The following TSPAN9 variants were observed in gnomAD, a reference collection of about 807,000 sequenced individuals.
TSPAN9 encodes tetraspanin-9.
A neutral mutation model predicts 31.0 loss-of-function variants in TSPAN9; 16 were observed. The observed-to-expected ratio is 0.52, with a 90% CI of 0.35 to 0.78. TSPAN9 has a LOEUF of 0.78. Among genes scored for constraint, TSPAN9 ranks in the 30% least tolerant of loss-of-function variants. TSPAN9 has a pLI of 0.01. For synonymous variants in TSPAN9, 145 were observed against 121.6 expected (o/e 1.19, Z -1.27); for missense variants, 272 against 312.5 (o/e 0.87, Z 0.98).
At chr12:3,139,248 G>T (rs1034805508) in intron 2 of TSPAN9, among the ~76,000 whole-genome samples, 1 of 152,226 alleles carries the variant, frequency 6.6e-6, no homozygotes, top group Non-Finnish European at 1.5e-5. Context: ...GAAATCCTTG[G>T]CAGGGTTGTT....
chr12:3,165,139 A>C (rs2098347627), intron 2 of TSPAN9, among the ~76,000 whole-genome samples: 1 of 152,124 alleles, frequency 6.6e-6, no homozygotes, highest in Admixed American at 6.6e-5. Flanking sequence ...TGGTGGAGCT[A>C]GAGGAGGGGA....
chr12:3,230,596 G>A (rs575789706), intron 3 of TSPAN9, among the ~76,000 whole-genome samples: 1 of 152,290 alleles, frequency 6.6e-6, no homozygotes, highest in East Asian at 1.9e-4. Flanking sequence ...ACTTCGGAGT[G>A]TGGTCTTCTA....
In TSPAN9 at chr12:3,107,306, G is replaced by GT. The variant is rs2098315205; in HGVS notation, c.-18+23588dup. Among the ~76,000 whole-genome samples, 1 of 152,206 alleles carries GT rather than the reference G, an allele frequency of 6.6e-6. No individual in the cohort carries two copies. Among genetic ancestry groups the GT allele is most frequent in the African/African-American group, 2.4e-5 (1 of 41,454 alleles). ...TTCTTCTGACCTCGAAATCCAGCGAGTGAAAATCTGCGTGAAAACCTGAGG... is the reference window on the plus strand; with the variant it reads ...TTCTTCTGACCTCGAAATCCAGCGAGTTGAAAATCTGCGTGAAAACCTGAGG... On this transcript the variant is annotated intron_variant, in intron 2 of 8. Coordinates refer to ENST00000011898, the MANE Select transcript of TSPAN9 (RefSeq NM_006675.5). This position sits in a 1 kb window ranked among gnomAD's most constrained non-coding sequence, Gnocchi z 4.1.
intron 2 of TSPAN9, among the ~76,000 whole-genome samples, chr12:3,144,725 C>T (rs1482955455): frequency 6.6e-6 from 1 of 152,208 alleles, no homozygotes; most frequent in Non-Finnish European, 1.5e-5. Flanking sequence ...TGTCAGGCTC[C>T]TGCCTGAGAT....
At chr12:3,282,146 C>T in intron 8 of TSPAN9, 1 of 613,884 alleles carries the variant, frequency 1.6e-6, no homozygotes, top group East Asian at 2.7e-5. Context: ...ACGGTGTCCC[C>T]CGGTCACCAT....
chr12:3,207,719 C>T lies in TSPAN9; in HGVS notation c.63+6463C>T, dbSNP rs576355324. ...GGAGGCTGCAGGATTTCAAATCTCC[C>T]TTGCAGTGGCTAGCTCACTGCGTCA... On this transcript the variant is annotated intron_variant, in intron 3 of 8. Transcript: ENST00000011898. Among the ~76,000 whole-genome samples, 161 of 152,198 alleles carry T rather than the reference C, an allele frequency of 1.1e-3. 1 individual carries two copies. Among genetic ancestry groups the T allele is most frequent in the African/African-American group, 3.6e-3 (149 of 41,526 alleles).
At chr12:3,136,988 A>G (rs2098332455) in intron 2 of TSPAN9, among the ~76,000 whole-genome samples, 1 of 152,130 alleles carries the variant, frequency 6.6e-6, no homozygotes, top group Admixed American at 6.5e-5. Flanking sequence ...GTGGAAGGGC[A>G]TTGTGTGCTT....
intron 2 of TSPAN9, among the ~76,000 whole-genome samples, chr12:3,145,413 G>T (rs1450714580): frequency 2.0e-5 from 3 of 152,152 alleles, no homozygotes; most frequent in Non-Finnish European, 4.4e-5. Flanking sequence ...CCAGGGCCAG[G>T]GTCCTCCCGT....
chr12:3,220,158 A>T (rs2098383657), intron 3 of TSPAN9, among the ~76,000 whole-genome samples: 1 of 151,800 alleles, frequency 6.6e-6, no homozygotes, highest in Non-Finnish European at 1.5e-5. Flanking sequence ...AAAAAAAAAA[A>T]AGGAATGAAT....
intron 2 of TSPAN9, among the ~76,000 whole-genome samples, chr12:3,162,481 G>A (rs1447892075): frequency 3.3e-5 from 5 of 152,170 alleles, no homozygotes; most frequent in Non-Finnish European, 5.9e-5. Context: ...GGAACCAACA[G>A]CAGAGAGGTT....
At chr12:3,210,204 G>A (rs1457385995) in intron 3 of TSPAN9, among the ~76,000 whole-genome samples, 1 of 152,018 alleles carries the variant, frequency 6.6e-6, no homozygotes, top group Non-Finnish European at 1.5e-5. Context: ...GAGGAGCACT[G>A]CTCTGGGTAT....
Position 3,280,498 on chromosome 12 carries a change from G to T in TSPAN9, c.432+15G>T, listed in dbSNP as rs756338611. 4 of 1,607,280 alleles carry T rather than the reference G, an allele frequency of 2.5e-6. No individual in the cohort carries two copies. The highest frequency in any genetic ancestry group is 1.1e-5 in the South Asian group (1 of 90,670). Reference sequence around the variant, plus strand: ...TCCAGGCTGAGGTGCGGGCTGGGCCGCCCTGGTGGGGCCAGGCAGGGAGGA... The same window carrying T: ...TCCAGGCTGAGGTGCGGGCTGGGCCTCCCTGGTGGGGCCAGGCAGGGAGGA... On this transcript the variant is annotated intron_variant, in intron 6 of 8. Coordinates refer to ENST00000011898, the MANE Select transcript of TSPAN9 (RefSeq NM_006675.5). The surrounding 1 kb of genome is among the most constrained non-coding windows in gnomAD (Gnocchi z 4.5).
At chr12:3,229,976 G>A (rs186404458) in intron 3 of TSPAN9, among the ~76,000 whole-genome samples, 43 of 152,290 alleles carry the variant, frequency 2.8e-4, no homozygotes, top group Admixed American at 2.2e-3. Context: ...GAGAATCCAG[G>A]GCTGGGTCCC....
chr12:3,090,647 A>C (rs1354684275), intron 2 of TSPAN9, among the ~76,000 whole-genome samples: 3 of 152,036 alleles, frequency 2.0e-5, no homozygotes, highest in Non-Finnish European at 4.4e-5. Flanking sequence ...GGGCGGGCAG[A>C]CTCCACCTCT....
chr12:3,235,116 G>A (rs1161974813), intron 3 of TSPAN9, among the ~76,000 whole-genome samples: 1 of 78,586 alleles, frequency 1.3e-5, no homozygotes, highest in Non-Finnish European at 3.1e-5. Flanking sequence ...GCAGTGAGCG[G>A]AGCTTGCAGT....
chr12:3,279,150 C>T, intron 5 of TSPAN9, 84 bp downstream of exon 5: 1 of 1,270,922 alleles, frequency 7.9e-7, no homozygotes, highest in Non-Finnish European at 1.1e-6. Flanking sequence ...CCTTCCCTGG[C>T]CAGAGGAAGA....
Position 3,147,350 on chromosome 12 carries a change from T to G in TSPAN9, c.-17-53827T>G, listed in dbSNP as rs1565592680. Among the ~76,000 whole-genome samples, 1 of 152,200 alleles carries G rather than the reference T, an allele frequency of 6.6e-6. No homozygotes were observed. The highest frequency in any genetic ancestry group is 6.5e-5 in the Admixed American group (1 of 15,292). Reference sequence around the variant, plus strand: ...CAAAAATGCAGTGTGGTGTGACAGCTGCCTGCTGCATCCTGCTGAGTGTTG... The same window carrying G: ...CAAAAATGCAGTGTGGTGTGACAGCGGCCTGCTGCATCCTGCTGAGTGTTG... On this transcript the variant is annotated intron_variant, in intron 2 of 8. Coordinates refer to ENST00000011898, the MANE Select transcript of TSPAN9 (RefSeq NM_006675.5). The surrounding 1 kb of genome is among the most constrained non-coding windows in gnomAD (Gnocchi z 4.3).
At chr12:3,091,765 T>C (rs937544988) in intron 2 of TSPAN9, among the ~76,000 whole-genome samples, 1 of 152,200 alleles carries the variant, frequency 6.6e-6, no homozygotes, top group African/African-American at 2.4e-5. Context: ...GTTTTGTAGC[T>C]GAAAAAGGTT....
At chr12:3,162,158 TC>T (rs1159352883) in intron 2 of TSPAN9, among the ~76,000 whole-genome samples, 1 of 151,998 alleles carries the variant, frequency 6.6e-6, no homozygotes, top group Non-Finnish European at 1.5e-5. Flanking sequence ...ACCTGGCACC[TC>T]CCCCCACTGT....
Sources: allele counts gnomAD v4.1 joint callset (sites outside exome capture counted in the v4.1 genomes callset), GRCh38; gene constraint gnomAD v4.1.1; non-coding constraint Gnocchi (gnomAD v3.1); transcripts MANE v1.5; gene names NCBI Gene and HGNC (gene_info 2026-07-23, HGNC 2026-07-21).